The following TTC17 variants were observed in gnomAD, a reference collection of about 807,000 sequenced individuals.
TTC17 encodes tetratricopeptide repeat protein 17.
In TTC17, 58 loss-of-function variants were observed where a neutral mutation model predicts 143.8. The ratio of observed to expected loss-of-function variants is 0.40; its 90% CI spans 0.33 to 0.50. TTC17 has a LOEUF of 0.50. TTC17 is among the 20% of genes least tolerant of loss of function. The pLI, the probability that TTC17 is intolerant of heterozygous loss-of-function variation, is 0.49. For missense variants in TTC17, 1,273 were observed against 1,392.5 expected (o/e 0.91, Z 1.37); for synonymous variants, 501 against 497.8 (o/e 1.01, Z -0.09).
At chr11:43,457,346 G>C (rs1006571504) in intron 21 of TTC17, among the ~76,000 whole-genome samples, 1 of 151,942 alleles carries the variant, frequency 6.6e-6, no homozygotes, top group Non-Finnish European at 1.5e-5. Flanking sequence ...AGAATTAAGG[G>C]AAAAACTGCC....
intron 5 of TTC17, among the ~76,000 whole-genome samples, chr11:43,395,099 C>CTTTT (rs34977501): frequency 2.2e-5 from 3 of 137,450 alleles, no homozygotes; most frequent in Non-Finnish European, 3.2e-5. Context: ...TCATGTAGAA[C>CTTTT]TTTTTTTTTT....
intron 21 of TTC17, among the ~76,000 whole-genome samples, chr11:43,471,131 G>A (rs368697272): frequency 3.9e-5 from 6 of 152,146 alleles, no homozygotes; most frequent in African/African-American, 7.2e-5. Context: ...TTCAGGACGC[G>A]ACTCAGGCTG....
chr11:43,364,031 TCGGAGTAC>T (rs1267613074), intron 1 of TTC17, among the ~76,000 whole-genome samples: 2 of 151,248 alleles, frequency 1.3e-5, no homozygotes, highest in Non-Finnish European at 2.9e-5. Context: ...GCCGGTATCT[TCGGAGTAC>T]AGATCCTCTT....
chr11:43,465,186 G>A (rs765205059), intron 21 of TTC17, among the ~76,000 whole-genome samples: 1 of 152,198 alleles, frequency 6.6e-6, no homozygotes, highest in Non-Finnish European at 1.5e-5. Context: ...TGTCATAGCA[G>A]CCCAAATTCA....
chr11:43,438,587 A>G (rs954440685), intron 16 of TTC17, among the ~76,000 whole-genome samples: 2 of 152,212 alleles, frequency 1.3e-5, no homozygotes, highest in South Asian at 2.1e-4. Context: ...AGAAGCCACA[A>G]TCTTAAGTAC....
chr11:43,412,745 T>A (rs1324175888), intron 15 of TTC17, among the ~76,000 whole-genome samples: 1 of 152,072 alleles, frequency 6.6e-6, no homozygotes, highest in Non-Finnish European at 1.5e-5. Context: ...TGTTAAAAAA[T>A]CTGAAATCCA....
intron 21 of TTC17, among the ~76,000 whole-genome samples, chr11:43,486,240 C>T (rs1215787657): frequency 1.3e-5 from 2 of 151,992 alleles, no homozygotes. Context: ...ATGGAAAATT[C>T]CAAAAATAAA....
At chr11:43,427,334 A>G (rs571835079) in intron 16 of TTC17, among the ~76,000 whole-genome samples, 1 of 152,306 alleles carries the variant, frequency 6.6e-6, no homozygotes, top group South Asian at 2.1e-4. Flanking sequence ...AATTGAGTGA[A>G]GCAGACTCAC....
chr11:43,359,466 G>T (rs1262186094), intron 1 of TTC17, among the ~76,000 whole-genome samples: 2 of 152,162 alleles, frequency 1.3e-5, no homozygotes, highest in Admixed American at 6.5e-5. Context: ...TGCCTCTCGG[G>T]TTCACGCGTC....
At chr11:43,359,264 G>A in intron 1 of TTC17, 151 bp downstream of exon 1, 1 of 960,426 alleles carries the variant, frequency 1.0e-6, no homozygotes, top group Non-Finnish European at 1.5e-6. Context: ...CCCTGCATTC[G>A]GACCAGGCAG....
chr11:43,399,788 G>T, intron 8 of TTC17, 100 bp from the exon 9 acceptor site: 1 of 1,203,222 alleles, frequency 8.3e-7, no homozygotes, highest in Non-Finnish European at 1.2e-6. Flanking sequence ...AAAACACACA[G>T]TAATTGTTGC....
chr11:43,480,265 C>G (rs1040368921), intron 21 of TTC17, among the ~76,000 whole-genome samples: 1 of 152,048 alleles, frequency 6.6e-6, no homozygotes, highest in Non-Finnish European at 1.5e-5. Context: ...TGGGATAAAT[C>G]AGTGAAAAAC....
At chr11:43,411,681 A>G (rs934873429) in intron 15 of TTC17, among the ~76,000 whole-genome samples, 2 of 152,118 alleles carry the variant, frequency 1.3e-5, no homozygotes, top group African/African-American at 2.4e-5. Context: ...AATGCAGGAT[A>G]TTTTTACAGC....
At chr11:43,449,002 C>T (rs1209303041) in intron 19 of TTC17, 1 of 152,362 alleles carries the variant, frequency 6.6e-6, no homozygotes, top group Non-Finnish European at 1.5e-5. Context: ...TTCAAAACCA[C>T]CTACTTTTCT....
chr11:43,401,311 A>G (rs977277480), intron 9 of TTC17, 135 bp from the exon 10 acceptor site: 4 of 568,668 alleles, frequency 7.0e-6, no homozygotes, highest in Non-Finnish European at 9.4e-6. Flanking sequence ...ATTTCTCTAT[A>G]TAAGTACGTC....
intron 21 of TTC17, 123 bp from the exon 22 acceptor site, chr11:43,490,116 A>G: frequency 7.5e-7 from 1 of 1,325,642 alleles, no homozygotes; most frequent in Non-Finnish European, 1.0e-6. Context: ...AGTGCTGAGC[A>G]GAGTGCCAGC....
intron 2 of TTC17, among the ~76,000 whole-genome samples, chr11:43,380,088 G>A (rs1258550171): frequency 6.6e-6 from 1 of 152,120 alleles, no homozygotes; most frequent in Non-Finnish European, 1.5e-5. Flanking sequence ...TAGAATCAGA[G>A]TATTTGAGAA....
At position 43,443,434 on chromosome 11, in the gene TTC17, T is replaced by C. The variant is rs757554609; in HGVS notation, c.2361T>C (p.Pro787=). 13 of 1,614,022 alleles carry C rather than the reference T, an allele frequency of 8.1e-6. No homozygotes were observed. The highest frequency in any genetic ancestry group is 1.7e-5 in the Admixed American group (1 of 59,996). The change falls in exon 17 of 24, where the codon CCT becomes CCC. Residue 787 remains proline, a synonymous_variant. Coordinates refer to ENST00000039989, the MANE Select transcript of TTC17 (RefSeq NM_018259.6). ...ALVDEFQQAW[P]LEGFGGALEM... is the part of the protein sequence containing the mutation. ...TGGATGAATTTCAACAGGCATGGCC[T>C]TTGGAAGGCTTTGGGGGTGCACTAG... is the stretch of plus-strand genomic sequence containing the variant.
At chr11:43,489,023 A>C (rs925407868) in intron 21 of TTC17, among the ~76,000 whole-genome samples, 15 of 152,172 alleles carry the variant, frequency 9.9e-5, no homozygotes, top group African/African-American at 3.4e-4. Context: ...GGGCTTCCTA[A>C]CTACAACTGA....
Sources: allele counts gnomAD v4.1 joint callset (sites outside exome capture counted in the v4.1 genomes callset), GRCh38; gene constraint gnomAD v4.1.1; transcripts MANE v1.5; gene names NCBI Gene and HGNC (gene_info 2026-07-23, HGNC 2026-07-21).